PLXDC2: variants seen among roughly 807,000 people sequenced by gnomAD.
The protein encoded by PLXDC2 is plexin domain-containing protein 2.
A neutral mutation model predicts 68.9 loss-of-function variants in PLXDC2; 40 were observed. That is an observed-to-expected ratio of 0.58 (90% CI 0.45 to 0.76). The LOEUF (loss-of-function observed/expected upper bound fraction) is 0.76, where lower values mean the gene tolerates loss of function less well. Ranked by LOEUF, PLXDC2 falls within the 30% of genes least tolerant of loss-of-function variation. The probability of loss-of-function intolerance (pLI) is 0.00; values close to 1 mark genes in which losing one functional copy is unlikely to be tolerated. For missense variants in PLXDC2, 644 were observed against 661.9 expected, an observed-to-expected ratio of 0.97 and a Z score of 0.30; for synonymous variants, 243 against 234.2, an observed-to-expected ratio of 1.04 and a Z score of -0.34.
chr10:20,149,229 CTTTTTTTTTTTTTT>C (rs71200986), intron 6 of PLXDC2, among the ~76,000 whole-genome samples: 3 of 34,938 alleles, frequency 8.6e-5, no homozygotes, highest in South Asian at 1.7e-3. Context: ...TTTTTCTTTT[CTTTTTTTTTTTTTT>C]TTTTTTTTTT....
intron 1 of PLXDC2, among the ~76,000 whole-genome samples, chr10:19,997,913 A>G (rs1415722878): frequency 2.6e-5 from 4 of 152,216 alleles, no homozygotes; most frequent in Non-Finnish European, 4.4e-5. Context: ...TATATATTGT[A>G]TTTACAGAAA....
At chr10:20,211,639 T>G in intron 9 of PLXDC2, 30 bp from the exon 10 acceptor site, 1 of 1,610,486 alleles carries the variant, frequency 6.2e-7, no homozygotes, top group South Asian at 1.1e-5. Flanking sequence ...ATCCTTCCTT[T>G]TCTGAACTGC....
rs540515950 is a variant in PLXDC2, at chr10:19,926,914, A to C, written c.113-74861A>C. Among the ~76,000 whole-genome samples, 5 of 152,286 alleles carry C rather than the reference A, an allele frequency of 3.3e-5. No homozygotes were observed. In the East Asian group the frequency reaches 9.7e-4, roughly 29 times the overall value. ...GAAGTTCACAGGTAGCTCCTAACCT[A>C]GGAGTTTTCCTCAATGTGAATCATG... is the stretch of plus-strand genomic sequence containing the variant. On this transcript the variant is annotated intron_variant, in intron 1 of 13. Coordinates refer to ENST00000377252, the MANE Select transcript of PLXDC2 (RefSeq NM_032812.9).
intron 1 of PLXDC2, among the ~76,000 whole-genome samples, chr10:19,943,531 T>C (rs1479749233): frequency 6.6e-6 from 1 of 152,224 alleles, no homozygotes; most frequent in South Asian, 2.1e-4. Context: ...AACCATATAC[T>C]AATGGCATGG....
chr10:20,261,712 G>A (rs1835810617), intron 13 of PLXDC2, among the ~76,000 whole-genome samples: 1 of 152,008 alleles, frequency 6.6e-6, no homozygotes, highest in South Asian at 2.1e-4. Flanking sequence ...AAATTATCCG[G>A]GGGTGGTAGC....
chr10:19,920,845 A>T (rs1460104142), intron 1 of PLXDC2, among the ~76,000 whole-genome samples: 1 of 152,214 alleles, frequency 6.6e-6, no homozygotes, highest in East Asian at 1.9e-4. Flanking sequence ...GGCATGAGCT[A>T]CCATGCCCAG....
At chr10:20,158,819 C>T (rs1337489687) in intron 6 of PLXDC2, among the ~76,000 whole-genome samples, 2 of 152,108 alleles carry the variant, frequency 1.3e-5, no homozygotes, top group African/African-American at 2.4e-5. Context: ...GAGAGGCAGA[C>T]ATGTTCCATA....
At chr10:19,861,277 C>T (rs1418293036) in intron 1 of PLXDC2, among the ~76,000 whole-genome samples, 2 of 152,040 alleles carry the variant, frequency 1.3e-5, no homozygotes, top group South Asian at 2.1e-4. Flanking sequence ...TCAGGTGACC[C>T]GCCCACCTCT....
At chr10:20,251,165 T>A (rs141227112) in intron 13 of PLXDC2, among the ~76,000 whole-genome samples, 1 of 152,196 alleles carries the variant, frequency 6.6e-6, no homozygotes, top group Non-Finnish European at 1.5e-5. Context: ...TATTAACTTA[T>A]CTTCTATATT....
chr10:20,185,780 C>T (rs1210471498), intron 9 of PLXDC2, among the ~76,000 whole-genome samples: 3 of 151,756 alleles, frequency 2.0e-5, no homozygotes, highest in Admixed American at 2.0e-4. Flanking sequence ...AAATTCATAC[C>T]TAATAATCAA....
intron 1 of PLXDC2, among the ~76,000 whole-genome samples, chr10:19,840,342 A>G (rs563099230): frequency 2.6e-5 from 4 of 152,306 alleles, no homozygotes; most frequent in Non-Finnish European, 4.4e-5. Context: ...AAATAAGATT[A>G]CAAAACTTTC....
intron 1 of PLXDC2, among the ~76,000 whole-genome samples, chr10:19,917,455 C>A (rs551671955): frequency 6.6e-6 from 1 of 152,274 alleles, no homozygotes; most frequent in African/African-American, 2.4e-5. Flanking sequence ...TCATACTCTT[C>A]AAATTCTATG....
chr10:19,817,701 T>A (rs537457822), intron 1 of PLXDC2, among the ~76,000 whole-genome samples: 39 of 152,112 alleles, frequency 2.6e-4, no homozygotes, highest in Non-Finnish European at 5.0e-4. Flanking sequence ...CTCCGTCTAG[T>A]GACCTGGGCC....
intron 9 of PLXDC2, among the ~76,000 whole-genome samples, chr10:20,208,114 T>A (rs1204859111): frequency 6.6e-6 from 1 of 152,030 alleles, no homozygotes; most frequent in Non-Finnish European, 1.5e-5. Context: ...TATATAGATA[T>A]CTATTTAGAG....
intron 7 of PLXDC2, 107 bp downstream of exon 7, chr10:20,164,674 G>A (rs1024657057): frequency 8.7e-6 from 7 of 804,482 alleles, no homozygotes; most frequent in South Asian, 4.5e-5. Context: ...ATAGCTAATC[G>A]ATTAGCTGAT....
At chr10:20,124,141 T>G (rs1833738472) in intron 4 of PLXDC2, among the ~76,000 whole-genome samples, 1 of 152,138 alleles carries the variant, frequency 6.6e-6, no homozygotes, top group African/African-American at 2.4e-5. Context: ...CTGACACCTC[T>G]GAAACATGGG....
intron 9 of PLXDC2, among the ~76,000 whole-genome samples, chr10:20,198,150 G>C (rs1037892538): frequency 1.9e-4 from 29 of 152,116 alleles, no homozygotes; most frequent in African/African-American, 6.8e-4. Flanking sequence ...ATTTCTGAGG[G>C]TGTGAGTAGG....
At chr10:20,170,333 G>A (rs1243554861) in intron 7 of PLXDC2, among the ~76,000 whole-genome samples, 1 of 152,102 alleles carries the variant, frequency 6.6e-6, no homozygotes, top group Admixed American at 6.5e-5. Flanking sequence ...TGGGATTACA[G>A]GTGCATCCAC....
At chr10:19,833,318 A>G (rs1836729095) in intron 1 of PLXDC2, among the ~76,000 whole-genome samples, 1 of 152,218 alleles carries the variant, frequency 6.6e-6, no homozygotes, top group Non-Finnish European at 1.5e-5. Flanking sequence ...TGGGAACAGT[A>G]AATTGCAGCA....
Sources: gnomAD v4.1 joint callset for allele counts (sites outside exome capture counted in the v4.1 genomes callset) on GRCh38, gnomAD v4.1.1 for gene constraint, MANE v1.5 for transcripts, NCBI Gene and HGNC (gene_info 2026-07-23, HGNC 2026-07-21) for gene names.